Variants in MIA2 observed in about 807,000 individuals in gnomAD.
MIA2 encodes MIA SH3 domain ER export factor 2, also known as melanoma inhibitory activity protein 2.
Under a neutral mutation model 167.8 loss-of-function variants are expected in MIA2, and 127 were observed. The observed-to-expected ratio is 0.76, with a 90% CI of 0.66 to 0.88. The LOEUF is 0.88. Among genes scored for constraint, MIA2 ranks in the 40% least tolerant of loss-of-function variants. The pLI, the probability that MIA2 is intolerant of heterozygous loss-of-function variation, is 0.00. For synonymous variants in MIA2, 552 were observed against 541.9 expected, an observed-to-expected ratio of 1.02 and a Z score of -0.26; for missense variants, 1,690 against 1,624.7, an observed-to-expected ratio of 1.04 and a Z score of -0.69.
chr14:39,358,289 T>C (rs951133988), intron 23 of MIA2, among the ~76,000 whole-genome samples: 1 of 152,218 alleles, frequency 6.6e-6, no homozygotes, highest in Non-Finnish European at 1.5e-5. Context: ...TCTTCTCGCT[T>C]CATTTCATTC....
chr14:39,265,349 A>G (rs1169929250), intron 6 of MIA2: 1 of 1,481,044 alleles, frequency 6.8e-7, no homozygotes, highest in East Asian at 2.3e-5. Flanking sequence ...TGCCTGGTAG[A>G]ACTTTATTTA....
intron 23 of MIA2, among the ~76,000 whole-genome samples, chr14:39,357,684 C>CT (rs1415885587): frequency 6.6e-5 from 10 of 152,192 alleles, no homozygotes; most frequent in Admixed American, 3.9e-4. Flanking sequence ...TTTGCAGTGG[C>CT]TGTTACAGGT....
At chr14:39,340,144 C>T (rs1259562105) in intron 25 of MIA2, among the ~76,000 whole-genome samples, 2 of 152,086 alleles carry the variant, frequency 1.3e-5, no homozygotes, top group Admixed American at 6.6e-5. Flanking sequence ...CGCCCTCCTT[C>T]GTACCCTTTT....
At chr14:39,339,388 GT>G (rs2071264959) in intron 25 of MIA2, among the ~76,000 whole-genome samples, 1 of 152,144 alleles carries the variant, frequency 6.6e-6, no homozygotes, top group African/African-American at 2.4e-5. Flanking sequence ...GGGATATATA[GT>G]TTGAAAATTG....
intron 23 of MIA2, among the ~76,000 whole-genome samples, chr14:39,383,755 G>A (rs1340064776): frequency 5.3e-5 from 8 of 152,148 alleles, no homozygotes; most frequent in Non-Finnish European, 7.4e-5. Flanking sequence ...AATTTTAGTG[G>A]TCTGGATAGA....
chr14:39,382,697 G>T (rs943203312), intron 23 of MIA2, among the ~76,000 whole-genome samples: 2 of 152,210 alleles, frequency 1.3e-5, no homozygotes, highest in Non-Finnish European at 2.9e-5. Flanking sequence ...TGTAGCTACT[G>T]CTTAGGAACA....
Position 39,267,103 on chromosome 14 carries a change from G to A in MIA2, c.1888-9831G>A, listed in dbSNP as rs559461945. 1.3e-3 allele frequency: 1,484 copies of A among 1,122,456 alleles called. 3 individuals carry two copies. Among genetic ancestry groups the A allele is most frequent in the Middle Eastern group, 1.6e-3 (4 of 2,486 alleles). The allele number at this position is 1,122,456 out of a possible 1,614,324, so 69.5% of individuals were successfully genotyped here. A position where few individuals can be genotyped will look rare whatever the true frequency, so the allele number is the denominator to read the frequency against. ...ACGTCTGCGAAGCTTGCGCGAAGAA[G>A]GGGAAGTTTGCGGCTGTCCGCGCCT... On this transcript the variant is annotated intron_variant, in intron 6 of 28. Transcript: ENST00000640607.
intron 6 of MIA2, among the ~76,000 whole-genome samples, chr14:39,256,501 A>G (rs1387657144): frequency 2.0e-5 from 3 of 152,146 alleles, no homozygotes; most frequent in African/African-American, 4.8e-5. Flanking sequence ...TCAACACTAC[A>G]TTTTTCTTTT....
At chr14:39,315,620 T>A in intron 20 of MIA2, 63 bp from the exon 21 acceptor site, 3 of 1,232,948 alleles carry the variant, frequency 2.4e-6, no homozygotes, top group Non-Finnish European at 2.4e-6. Flanking sequence ...TAGTGGTAGA[T>A]GTGAATGTTT....
At chr14:39,385,640 A>AT in intron 23 of MIA2, 1 of 846,982 alleles carries the variant, frequency 1.2e-6, no homozygotes, top group Non-Finnish European at 2.1e-6. Context: ...ATTCTTCTGG[A>AT]TGTTAGTTCT....
intron 25 of MIA2, among the ~76,000 whole-genome samples, chr14:39,337,230 A>G (rs1316299100): frequency 6.6e-6 from 1 of 152,244 alleles, no homozygotes; most frequent in Non-Finnish European, 1.5e-5. Flanking sequence ...AATGAGGTCA[A>G]GAAGATATAG....
At chr14:39,322,764 T>C (rs1333709911) in intron 24 of MIA2, among the ~76,000 whole-genome samples, 1 of 152,160 alleles carries the variant, frequency 6.6e-6, no homozygotes, top group Non-Finnish European at 1.5e-5. Flanking sequence ...CTTTAAAGTT[T>C]TATCTTAATT....
At chr14:39,344,818 T>C (rs2072865040) in intron 25 of MIA2, among the ~76,000 whole-genome samples, 1 of 152,188 alleles carries the variant, frequency 6.6e-6, no homozygotes, top group East Asian at 1.9e-4. Flanking sequence ...CTTTCAAGAA[T>C]GAGAAACTAC....
Position 39,293,452 on chromosome 14 carries a change from C to T in MIA2, c.2319+71C>T, listed in dbSNP as rs975675731. 24 of 1,039,798 alleles carry T rather than the reference C, an allele frequency of 2.3e-5. No individual in the cohort carries two copies. In the South Asian group the frequency reaches 2.4e-4, roughly 10 times the overall value. The allele number at this position is 1,039,798 out of a possible 1,614,324, so 64.4% of individuals were successfully genotyped here. A position where few individuals can be genotyped will look rare whatever the true frequency, so the allele number is the denominator to read the frequency against. Reference sequence around the variant, plus strand: ...TGAGCTTTAAAAAATTAATATGATACTGGTTAAAGTATTACATTATTGTAA... The same window carrying T: ...TGAGCTTTAAAAAATTAATATGATATTGGTTAAAGTATTACATTATTGTAA... On this transcript the variant is annotated intron_variant, in intron 11 of 28. Transcript: ENST00000640607.
At chr14:39,258,987 C>T (rs753227324) in intron 6 of MIA2, among the ~76,000 whole-genome samples, 7 of 152,200 alleles carry the variant, frequency 4.6e-5, no homozygotes, top group Non-Finnish European at 8.8e-5. Context: ...TGATGCCTGC[C>T]GGAGCTCTCC....
intron 18 of MIA2, among the ~76,000 whole-genome samples, chr14:39,312,188 T>C (rs2064435123): frequency 1.3e-5 from 2 of 152,184 alleles, no homozygotes; most frequent in South Asian, 4.1e-4. Context: ...TTTCTATTAT[T>C]AATAGGCCCA....
At chr14:39,270,450 C>T (rs1262254872) in intron 6 of MIA2, among the ~76,000 whole-genome samples, 6 of 152,038 alleles carry the variant, frequency 3.9e-5, no homozygotes, top group African/African-American at 7.2e-5. Context: ...CCACCCGCCT[C>T]GGCCTCCCAA....
intron 25 of MIA2, among the ~76,000 whole-genome samples, chr14:39,334,001 A>C (rs996248315): frequency 4.6e-5 from 7 of 152,228 alleles, no homozygotes; most frequent in Non-Finnish European, 8.8e-5. Context: ...AGACACAGTA[A>C]AGGAATTTTC....
chr14:39,370,494 G>A, intron 23 of MIA2: 1 of 276,086 alleles, frequency 3.6e-6, no homozygotes, highest in East Asian at 1.0e-4. Context: ...GGAGCTTGAG[G>A]TCACCCATCA....
Sources: allele counts gnomAD v4.1 joint callset (sites outside exome capture counted in the v4.1 genomes callset), GRCh38; gene constraint gnomAD v4.1.1; transcripts MANE v1.5; gene names NCBI Gene and HGNC (gene_info 2026-07-23, HGNC 2026-07-21).